UNC5B: variants seen among roughly 807,000 people sequenced by gnomAD.
UNC5B encodes the protein netrin receptor UNC5B.
UNC5B carries 56 observed loss-of-function variants against 103.7 expected under a neutral mutation model. That is an observed-to-expected ratio of 0.54 (90% CI 0.44 to 0.67). The LOEUF (loss-of-function observed/expected upper bound fraction) is 0.67. UNC5B is among the 30% of genes least tolerant of loss of function. The probability of loss-of-function intolerance (pLI) is 0.00; values close to 1 mark genes in which losing one functional copy is unlikely to be tolerated. For missense variants in UNC5B, 1,194 were observed against 1,284.5 expected, an observed-to-expected ratio of 0.93 and a Z score of 1.08; for synonymous variants, 577 against 542.0, an observed-to-expected ratio of 1.06 and a Z score of -0.90.
At chr10:71,248,423 CT>C (rs1844090562) in intron 1 of UNC5B, among the ~76,000 whole-genome samples, 1 of 152,176 alleles carries the variant, frequency 6.6e-6, no homozygotes, top group Non-Finnish European at 1.5e-5. Flanking sequence ...GGGGGGCCCA[CT>C]TTCCCCTTCT....
chr10:71,214,873 G>A (rs927411612), intron 1 of UNC5B, among the ~76,000 whole-genome samples: 5 of 152,178 alleles, frequency 3.3e-5, no homozygotes, highest in East Asian at 3.9e-4. Flanking sequence ...ATTTGGGCAC[G>A]AATGGTGCCC....
chr10:71,299,646 C>G lies in UNC5B; in HGVS notation c.*369C>G, dbSNP rs16928659. 5,605 of 155,392 alleles carry G rather than the reference C, an allele frequency of 0.036. 109 individuals are homozygous for G. Among genetic ancestry groups the G allele is most frequent in the African/African-American group, 0.061 (892 of 14,544 alleles). 9.6% of individuals were successfully genotyped at this position (155,392 alleles called of 1,614,324 possible). A position where few individuals can be genotyped will look rare whatever the true frequency, so the allele number is the denominator to read the frequency against. On this transcript the variant is annotated 3_prime_UTR_variant, in exon 17 of 17. Coordinates refer to ENST00000335350, the MANE Select transcript of UNC5B (RefSeq NM_170744.5). ...TTCTGGGTTCCATGGGTTTTAGTTC[C>G]GTTCTCGTTTTCTTCCTCCGTTATT...
At chr10:71,230,601 C>A (rs960733252) in intron 1 of UNC5B, among the ~76,000 whole-genome samples, 8 of 152,274 alleles carry the variant, frequency 5.3e-5, no homozygotes, top group Admixed American at 3.3e-4. Flanking sequence ...GGCCTCCCCC[C>A]ACATCCCTGG....
chr10:71,284,025 G>A (rs999883634), intron 2 of UNC5B, among the ~76,000 whole-genome samples: 2 of 152,178 alleles, frequency 1.3e-5, no homozygotes, highest in African/African-American at 2.4e-5. Flanking sequence ...ACATGAATGC[G>A]TCCATAAATA....
At chr10:71,251,176 C>T (rs1239529255) in intron 1 of UNC5B, among the ~76,000 whole-genome samples, 1 of 152,116 alleles carries the variant, frequency 6.6e-6, no homozygotes, top group East Asian at 1.9e-4. Flanking sequence ...AGAGGTTACC[C>T]CGCTGCTTGC....
At chr10:71,286,370 C>G (rs1845080091) in intron 4 of UNC5B, among the ~76,000 whole-genome samples, 2 of 152,240 alleles carry the variant, frequency 1.3e-5, no homozygotes, top group African/African-American at 4.8e-5. Flanking sequence ...ACTCAACTTC[C>G]TCTGAGCATT....
chr10:71,248,645 C>T (rs1844098356), intron 1 of UNC5B, among the ~76,000 whole-genome samples: 2 of 152,132 alleles, frequency 1.3e-5, no homozygotes, highest in South Asian at 2.1e-4. Context: ...CTGCACTCAC[C>T]GTTCTTAAGA....
chr10:71,230,374 C>T (rs762841118), intron 1 of UNC5B, among the ~76,000 whole-genome samples: 7 of 152,174 alleles, frequency 4.6e-5, no homozygotes, highest in Admixed American at 6.5e-5. Context: ...TGAAGACAGG[C>T]AGTCCCTAGC....
At chr10:71,253,312 C>T (rs1013866358) in intron 1 of UNC5B, among the ~76,000 whole-genome samples, 5 of 152,250 alleles carry the variant, frequency 3.3e-5, no homozygotes, top group African/African-American at 1.2e-4. Flanking sequence ...GGCCACCCTA[C>T]TGCAAGGCCC....
rs960637358 is a variant in UNC5B at position 71,294,655 on chromosome 10, G to A, written c.2175+722G>A. Among the ~76,000 whole-genome samples, 103 of 152,216 alleles carry A rather than the reference G, an allele frequency of 6.8e-4. 1 individual carries two copies. The highest frequency in any genetic ancestry group is 4.4e-5 in the Non-Finnish European group (3 of 68,012). On this transcript the variant is annotated intron_variant, in intron 13 of 16. Coordinates refer to ENST00000335350, the MANE Select transcript of UNC5B (RefSeq NM_170744.5). Reference sequence around the variant, plus strand: ...CGGTGACTGATGGGATGGGCAGTGGGAGAGGGAAGTTAAGGCTGACAGCCA... The same window carrying A: ...CGGTGACTGATGGGATGGGCAGTGGAAGAGGGAAGTTAAGGCTGACAGCCA...
chr10:71,267,554 G>A (rs912734511), intron 1 of UNC5B, among the ~76,000 whole-genome samples: 2 of 152,210 alleles, frequency 1.3e-5, no homozygotes, highest in East Asian at 3.8e-4. Context: ...TCGATGTCTG[G>A]ATTCTTAACC....
At position 71,293,915 on chromosome 10, in the gene UNC5B, C is replaced by A; in HGVS notation, c.2157C>A (p.Asp719Glu). 1 of 1,602,480 alleles carries A rather than the reference C, an allele frequency of 6.2e-7. No individual in the cohort carries two copies. Among genetic ancestry groups the A allele is most frequent in the Non-Finnish European group, 8.5e-7 (1 of 1,179,180 alleles). Residue 719 changes from aspartate to glutamate, a missense_variant, in exon 13 of 17, where the codon GAC becomes GAA. Transcript: ENST00000335350. Reference sequence around the variant, plus strand: ...GCCTCCGGGTCTACTGCCTGGAGGACACGCCTGTAGCACTGAAGGTAGGGC... The same window carrying A: ...GCCTCCGGGTCTACTGCCTGGAGGAAACGCCTGTAGCACTGAAGGTAGGGC... ...EYSLRVYCLEDTPVALKEVLE... is the reference protein window; with the variant it reads ...EYSLRVYCLEETPVALKEVLE...
At chr10:71,238,608 C>T (rs755956008) in intron 1 of UNC5B, among the ~76,000 whole-genome samples, 10 of 152,052 alleles carry the variant, frequency 6.6e-5, no homozygotes, top group Non-Finnish European at 1.2e-4. Context: ...GCATGAGCCA[C>T]CAGGCCCGGC....
chr10:71,239,751 C>G (rs1302301289), intron 1 of UNC5B, among the ~76,000 whole-genome samples: 1 of 152,166 alleles, frequency 6.6e-6, no homozygotes, highest in East Asian at 1.9e-4. Flanking sequence ...ATAAGCAGAG[C>G]ATATGGTGGC....
At chr10:71,292,656 C>T (rs1304726256) in intron 11 of UNC5B, 102 bp downstream of exon 11, 1 of 972,472 alleles carries the variant, frequency 1.0e-6, no homozygotes, top group Admixed American at 2.3e-5. Flanking sequence ...ACCAAACAGT[C>T]CTCCAAGGAA....
At chr10:71,282,762 G>A (rs757175309) in intron 2 of UNC5B, among the ~76,000 whole-genome samples, 33 of 152,228 alleles carry the variant, frequency 2.2e-4, no homozygotes, top group Non-Finnish European at 3.7e-4. Flanking sequence ...CCTGCACAAG[G>A]ACCCCACCCT....
chr10:71,283,549 G>C (rs948697972), intron 2 of UNC5B, among the ~76,000 whole-genome samples: 1 of 152,200 alleles, frequency 6.6e-6, no homozygotes, highest in African/African-American at 2.4e-5. Flanking sequence ...ATGGTGCAAT[G>C]AGAGGATGAG....
intron 8 of UNC5B, 109 bp from the exon 9 acceptor site, chr10:71,290,806 A>T: frequency 7.5e-7 from 1 of 1,330,096 alleles, no homozygotes. Context: ...GGAACTCAGC[A>T]CCGGGCCGGT....
At chr10:71,242,347 G>T (rs954674309) in intron 1 of UNC5B, among the ~76,000 whole-genome samples, 2 of 152,238 alleles carry the variant, frequency 1.3e-5, no homozygotes, top group Non-Finnish European at 2.9e-5. Flanking sequence ...AGTGCTCATT[G>T]TGAGGTACTT....
Sources: gnomAD v4.1 joint callset for allele counts (sites outside exome capture counted in the v4.1 genomes callset) on GRCh38, gnomAD v4.1.1 for gene constraint, MANE v1.5 for transcripts, NCBI Gene and HGNC (gene_info 2026-07-23, HGNC 2026-07-21) for gene names.